TBX5: variants seen among roughly 807,000 people sequenced by gnomAD.
The protein encoded by TBX5 is T-box transcription factor TBX5.
Under a neutral mutation model 51.1 loss-of-function variants are expected in TBX5, and 8 were observed. That is an observed-to-expected ratio of 0.16 (90% CI 0.09 to 0.28). The LOEUF (loss-of-function observed/expected upper bound fraction) is 0.28, where lower values mean the gene tolerates loss of function less well. TBX5 is among the 10% of genes least tolerant of loss of function. The pLI is 1.00. For synonymous variants in TBX5, 302 were observed against 266.4 expected, an observed-to-expected ratio of 1.13 and a Z score of -1.30; for missense variants, 589 against 671.7, an observed-to-expected ratio of 0.88 and a Z score of 1.36.
At chr12:114,370,292 G>GAAAA (rs1555224269) in intron 7 of TBX5, among the ~76,000 whole-genome samples, 2 of 28,126 alleles carry the variant, frequency 7.1e-5, no homozygotes, top group African/African-American at 2.4e-4. Flanking sequence ...AGAAAAGAAA[G>GAAAA]AAAAGAAAAG....
intron 6 of TBX5, among the ~76,000 whole-genome samples, chr12:114,394,495 G>C (rs1871315639): frequency 1.3e-5 from 2 of 152,182 alleles, no homozygotes; most frequent in Admixed American, 1.3e-4. Flanking sequence ...TCTATGGTTT[G>C]ACAAGTTTGT....
chr12:114,401,326 AACG>A (rs1871798730), intron 3 of TBX5, among the ~76,000 whole-genome samples: 2 of 152,184 alleles, frequency 1.3e-5, no homozygotes, highest in Admixed American at 1.3e-4. Context: ...GAATACATCC[AACG>A]ATTCAGAGTT....
chr12:114,391,215 C>T (rs1291013017), intron 6 of TBX5, among the ~76,000 whole-genome samples: 2 of 152,178 alleles, frequency 1.3e-5, no homozygotes, highest in East Asian at 1.9e-4. Context: ...CAAGGCAAAA[C>T]GCTAGACAAA....
chr12:114,404,037 G>GC, intron 1 of TBX5, 101 bp from the exon 2 acceptor site: 1 of 1,345,506 alleles, frequency 7.4e-7, no homozygotes, highest in Non-Finnish European at 1.0e-6. Flanking sequence ...GAGCAGTTTG[G>GC]CCCCCAGTTT....
At chr12:114,408,013 G>T, upstream of TBX5, 1 of 985,424 alleles carries the variant, frequency 1.0e-6, no homozygotes, top group Non-Finnish European at 1.2e-6. Context: ...AAATATTACT[G>T]TTTATTACCA....
At chr12:114,380,770 A>G (rs1870462770) in intron 7 of TBX5, among the ~76,000 whole-genome samples, 1 of 152,154 alleles carries the variant, frequency 6.6e-6, no homozygotes, top group African/African-American at 2.4e-5. Context: ...TCGAGGCTGC[A>G]GTGAGCTATG....
At chr12:114,390,809 G>A (rs75087981) in intron 6 of TBX5, among the ~76,000 whole-genome samples, 3,838 of 152,320 alleles carry the variant, frequency 0.025, 60 homozygotes, top group Non-Finnish European at 0.03. Flanking sequence ...AATATTTCTA[G>A]GGATTGCACT....
At chr12:114,377,701 G>A (rs1001426361) in intron 7 of TBX5, among the ~76,000 whole-genome samples, 10 of 151,440 alleles carry the variant, frequency 6.6e-5, no homozygotes, top group Admixed American at 1.3e-4. Flanking sequence ...TTACACACAT[G>A]AGCCACCACA....
chr12:114,394,639 C>T (rs1871323359), intron 6 of TBX5, 102 bp downstream of exon 6: 1 of 1,538,618 alleles, frequency 6.5e-7, no homozygotes, highest in Non-Finnish European at 8.9e-7. Flanking sequence ...TTGGTGACTG[C>T]TGCCATTCAG....
chr12:114,357,023 G>C (rs3068653), intron 8 of TBX5, among the ~76,000 whole-genome samples: 23 of 113,104 alleles, frequency 2.0e-4, no homozygotes, highest in East Asian at 5.6e-4. Flanking sequence ...TGGATGGATG[G>C]ATGGATGCAT....
chr12:114,376,281 AC>A (rs1870185305), intron 7 of TBX5, among the ~76,000 whole-genome samples: 2 of 152,142 alleles, frequency 1.3e-5, no homozygotes, highest in Non-Finnish European at 2.9e-5. Flanking sequence ...ATATACACAC[AC>A]ACACACACAC....
intron 3 of TBX5, 126 bp downstream of exon 3, chr12:114,401,700 C>T (rs1048667256): frequency 7.5e-5 from 63 of 834,646 alleles, no homozygotes; most frequent in Non-Finnish European, 1.2e-4. Context: ...TCTCCTTTCT[C>T]TTCTTTCTCT....
intron 5 of TBX5, among the ~76,000 whole-genome samples, chr12:114,397,269 A>G (rs895576954): frequency 6.6e-6 from 1 of 152,002 alleles, no homozygotes; most frequent in Admixed American, 6.5e-5. Context: ...CTCCTTTTGT[A>G]ATTAGAGAGA....
intron 5 of TBX5, among the ~76,000 whole-genome samples, chr12:114,396,239 G>C (rs556511011): frequency 8.8e-4 from 133 of 151,956 alleles, no homozygotes; most frequent in African/African-American, 3.1e-3. Context: ...GCCGTGGCCC[G>C]GCCGCCTCCC....
intron 7 of TBX5, among the ~76,000 whole-genome samples, chr12:114,371,155 TCTATC>T (rs1437617715): frequency 6.6e-5 from 10 of 152,172 alleles, no homozygotes; most frequent in African/African-American, 2.4e-4. Flanking sequence ...GATCTACTGA[TCTATC>T]CTACTCTTTG....
chr12:114,386,937 T>C (rs1870845092), intron 6 of TBX5, among the ~76,000 whole-genome samples: 1 of 101,350 alleles, frequency 9.9e-6, no homozygotes, highest in South Asian at 3.7e-4. Context: ...CTACAAAAAA[T>C]ACAAAATTTA....
intron 2 of TBX5, among the ~76,000 whole-genome samples, chr12:114,402,697 G>A (rs534291806): frequency 1.3e-5 from 2 of 151,882 alleles, no homozygotes; most frequent in African/African-American, 2.4e-5. Flanking sequence ...CAGAACCGAT[G>A]CAAATGTATA....
intron 4 of TBX5, 98 bp downstream of exon 4, chr12:114,399,415 A>G (rs1378664023): frequency 5.1e-6 from 1 of 197,804 alleles, no homozygotes; most frequent in East Asian, 1.2e-4. Context: ...AGTAGGAACT[A>G]AAAAAAAAAA....
chr12:114,367,969 C>T (rs1869645723), intron 7 of TBX5, among the ~76,000 whole-genome samples: 1 of 152,164 alleles, frequency 6.6e-6, no homozygotes, highest in Non-Finnish European at 1.5e-5. Context: ...AGGCCCATGG[C>T]ATCAAACAGT....
Sources: allele counts gnomAD v4.1 joint callset (sites outside exome capture counted in the v4.1 genomes callset), GRCh38; gene constraint gnomAD v4.1.1; transcripts MANE v1.5; gene names NCBI Gene and HGNC (gene_info 2026-07-23, HGNC 2026-07-21).